Variants in MYH9 observed in about 807,000 individuals in gnomAD.
The protein encoded by MYH9 is myosin-9.
Under a neutral mutation model 241.9 loss-of-function variants are expected in MYH9, and 29 were observed. The observed-to-expected ratio is 0.12, with a 90% CI of 0.09 to 0.16. The LOEUF (loss-of-function observed/expected upper bound fraction) is 0.16, where lower values mean the gene tolerates loss of function less well. MYH9 is among the 10% of genes least tolerant of loss of function. The pLI is 1.00. For missense variants in MYH9, 1,803 were observed against 2,595.5 expected (o/e 0.69, Z 6.63); for synonymous variants, 1,047 against 1,062.6 (o/e 0.99, Z 0.29).
At chr22:36,364,283 T>C (rs2017976955) in intron 1 of MYH9, among the ~76,000 whole-genome samples, 2 of 152,182 alleles carry the variant, frequency 1.3e-5, no homozygotes, top group Non-Finnish European at 2.9e-5. Context: ...CCTGCAGGGC[T>C]GAGGGCTCCA....
rs1347124459 is a variant in MYH9 at position 36,284,246 on chromosome 22, C to T, written c.5612G>A (p.Arg1871His). 9.3e-6 allele frequency: 15 copies of T among 1,611,682 alleles called. No homozygotes were observed. The highest frequency in any genetic ancestry group is 1.3e-5 in the African/African-American group (1 of 74,942). ...CAGCTGCCGCTTGAGCTGCTTCAGG[C>T]GGGTAGATGCCTTGTCGGCCTGCGG... ...YKDQADKAST[R>H]LKQLKRQLEE... The change falls in exon 40 of 41, where the codon CGC becomes CAC. Residue 1871 changes from arginine to histidine, a missense_variant. Physicochemically the swap from Arg to His is conservative, Grantham distance 29 (BLOSUM62 0). Around this residue, in one of 11 missense-constraint regions of MYH9, gnomAD observed 876 missense variants for 1,077.8 expected, o/e 0.81. Transcript: ENST00000216181.
Position 36,292,203 on chromosome 22 carries a change from C to G in MYH9, c.4127G>C (p.Ser1376Thr), listed in dbSNP as rs1184951793. 18 of 1,614,002 alleles carry G rather than the reference C, an allele frequency of 1.1e-5. No individual in the cohort carries two copies. The highest frequency in any genetic ancestry group is 1.5e-5 in the Non-Finnish European group (18 of 1,180,064). The part of the protein sequence containing the change: ...VADMKKKMED[S>T]VGCLETAEEV... Reference sequence around the variant, plus strand: ...CTCAGCAGTTTCCAGGCACCCCACACTGTCCTCCATCTTCTTTTTCATGTC... The same window carrying G: ...CTCAGCAGTTTCCAGGCACCCCACAGTGTCCTCCATCTTCTTTTTCATGTC... The change falls in exon 31 of 41, where the codon AGT (serine) becomes ACT (threonine). Residue 1376 changes from serine to threonine, a missense_variant. This residue lies in a region of MYH9 where 876 missense variants were observed against 1,077.8 expected (regional missense o/e 0.81). Coordinates refer to ENST00000216181, the MANE Select transcript of MYH9 (RefSeq NM_002473.6).
intron 11 of MYH9, 87 bp from the exon 12 acceptor site, chr22:36,316,756 A>T (rs768314577): frequency 1.2e-5 from 18 of 1,534,846 alleles, no homozygotes; most frequent in Non-Finnish European, 1.6e-5. Context: ...TCACTTTTAG[A>T]GTCCTCCCCC....
In MYH9 at chr22:36,339,580, C is replaced by T. The variant is rs567396546; in HGVS notation, c.490+1790G>A. On this transcript the variant is annotated intron_variant, in intron 3 of 40. Coordinates refer to ENST00000216181, the MANE Select transcript of MYH9 (RefSeq NM_002473.6). ...ATGCATCAAGCTCAACAGTAAAATG[C>T]CTCCTTCACAGCACAGCGTGGGTGG... Among the ~76,000 whole-genome samples the T allele has an allele frequency of 4.6e-5, 7 of 152,320 alleles. No homozygotes were observed. In the East Asian group the frequency reaches 1.3e-3, roughly 29 times the overall value.
intron 13 of MYH9, among the ~76,000 whole-genome samples, chr22:36,313,444 T>C (rs1603483303): frequency 1.3e-5 from 1 of 79,172 alleles, no homozygotes; most frequent in Admixed American, 2.4e-4. Context: ...AGAGCGAGAC[T>C]CCGTCTCAAA....
intron 3 of MYH9, among the ~76,000 whole-genome samples, chr22:36,332,125 C>G (rs1388946448): frequency 2.0e-5 from 3 of 152,140 alleles, no homozygotes; most frequent in Non-Finnish European, 2.9e-5. Flanking sequence ...TCCCCTCCAT[C>G]GAACACCCCT....
chr22:36,366,859 G>C (rs1394099077), intron 1 of MYH9, among the ~76,000 whole-genome samples: 2 of 151,312 alleles, frequency 1.3e-5, no homozygotes, highest in Admixed American at 6.6e-5. Context: ...CCCTGGGGTG[G>C]CACAACTTAG....
intron 3 of MYH9, among the ~76,000 whole-genome samples, chr22:36,337,478 G>A (rs892557336): frequency 1.4e-4 from 21 of 152,168 alleles, no homozygotes; most frequent in African/African-American, 4.8e-4. Context: ...GACTGTACAG[G>A]CAAACCAGTA....
At chr22:36,365,494 A>C (rs2017997173) in intron 1 of MYH9, among the ~76,000 whole-genome samples, 1 of 151,850 alleles carries the variant, frequency 6.6e-6, no homozygotes, top group Non-Finnish European at 1.5e-5. Context: ...TTTGAGACAG[A>C]GTCTCACCGT....
At chr22:36,303,529 T>C (rs966681574) in intron 19 of MYH9, among the ~76,000 whole-genome samples, 1 of 151,760 alleles carries the variant, frequency 6.6e-6, no homozygotes, top group Non-Finnish European at 1.5e-5. Context: ...ATGCCTGTAA[T>C]CCCAGCACTT....
At chr22:36,342,574 A>C (rs2017606231) in intron 2 of MYH9, among the ~76,000 whole-genome samples, 1 of 151,886 alleles carries the variant, frequency 6.6e-6, no homozygotes, top group Admixed American at 6.6e-5. Flanking sequence ...TGTGACTACT[A>C]ATTCTTTTTC....
At position 36,323,655 on chromosome 22, in the gene MYH9, G is replaced by A. The variant is rs187759270; in HGVS notation, c.613-1134C>T. Among the ~76,000 whole-genome samples, 621 of 152,222 alleles carry A rather than the reference G, an allele frequency of 4.1e-3. 5 individuals carry two copies. Among genetic ancestry groups the A allele is most frequent in the Non-Finnish European group, 7.0e-3 (473 of 68,002 alleles). ...ACGAGACCCATCTGCAGGGCACCGGGGACACTCTGGAGTCTAGCCGAGCCA... is the reference window on the plus strand; with the variant it reads ...ACGAGACCCATCTGCAGGGCACCGGAGACACTCTGGAGTCTAGCCGAGCCA... On this transcript the variant is annotated intron_variant, in intron 5 of 40. Transcript: ENST00000216181.
At chr22:36,313,472 A>AAAAAAAAAAAG (rs771935599) in intron 13 of MYH9, among the ~76,000 whole-genome samples, 3 of 123,006 alleles carry the variant, frequency 2.4e-5, no homozygotes, top group African/African-American at 5.5e-5. Context: ...AAAAAAAAAA[A>AAAAAAAAAAAG]AAGAAGAAAA....
intron 2 of MYH9, among the ~76,000 whole-genome samples, chr22:36,347,039 A>G (rs2017687834): frequency 6.6e-6 from 1 of 152,152 alleles, no homozygotes; most frequent in African/African-American, 2.4e-5. Context: ...TAACAAGCAG[A>G]TATTTCTTTC....
intron 3 of MYH9, among the ~76,000 whole-genome samples, chr22:36,334,298 C>T (rs770111850): frequency 9.2e-5 from 14 of 152,210 alleles, no homozygotes; most frequent in Non-Finnish European, 1.3e-4. Flanking sequence ...CAGCGCCTCC[C>T]GGCTGCAGCC....
chr22:36,299,566 CG>C (rs1452895170), intron 23 of MYH9, among the ~76,000 whole-genome samples: 2 of 152,310 alleles, frequency 1.3e-5, no homozygotes, highest in East Asian at 3.9e-4. Flanking sequence ...ATCCCAGTCC[CG>C]GGTGGGCGTC....
chr22:36,340,490 G>A (rs111927634), intron 3 of MYH9, among the ~76,000 whole-genome samples: 11,216 of 151,566 alleles, frequency 0.074, 1,428 homozygotes, highest in African/African-American at 0.26. Flanking sequence ...GCAAAACCCC[G>A]TCTCTACTAA....
At chr22:36,335,279 A>G (rs1308732327) in intron 3 of MYH9, among the ~76,000 whole-genome samples, 1 of 152,218 alleles carries the variant, frequency 6.6e-6, no homozygotes, top group Non-Finnish European at 1.5e-5. Context: ...GCACAGAGAG[A>G]CCAGCAGGTG....
intron 1 of MYH9, among the ~76,000 whole-genome samples, chr22:36,369,587 G>A (rs909244504): frequency 5.9e-5 from 9 of 152,210 alleles, no homozygotes; most frequent in Non-Finnish European, 1.3e-4. Flanking sequence ...TTCACCTGCT[G>A]TCTACCCGAC....
Sources: gnomAD v4.1 joint callset for allele counts (sites outside exome capture counted in the v4.1 genomes callset) on GRCh38, gnomAD v4.1.1 for gene constraint, gnomAD v4.1.1 regional missense constraint, MANE v1.5 for transcripts, NCBI Gene and HGNC (gene_info 2026-07-23, HGNC 2026-07-21) for gene names.